MOK: variants seen among roughly 807,000 people sequenced by gnomAD.
The protein encoded by MOK is MOK protein kinase.
In MOK, 59 loss-of-function variants were observed where a neutral mutation model predicts 54.2. That is an observed-to-expected ratio of 1.09 (90% confidence interval 0.88 to 1.35). The LOEUF (loss-of-function observed/expected upper bound fraction) is 1.35, where lower values mean the gene tolerates loss of function less well. Among genes scored for constraint, MOK ranks in the 40% most tolerant of loss-of-function variants. MOK has a pLI of 0.00. For missense variants in MOK, 517 were observed against 526.2 expected (o/e 0.98, Z 0.17); for synonymous variants, 210 against 202.7 (o/e 1.04, Z -0.31).
At chr14:102,296,427 T>C (rs1297179462) in intron 1 of MOK, among the ~76,000 whole-genome samples, 3 of 152,126 alleles carry the variant, frequency 2.0e-5, no homozygotes, top group South Asian at 2.1e-4. Flanking sequence ...ATAAAACTTG[T>C]GTGTATATAC....
intron 1 of MOK, among the ~76,000 whole-genome samples, chr14:102,297,562 G>A (rs959778806): frequency 3.9e-5 from 6 of 152,346 alleles, no homozygotes; most frequent in Non-Finnish European, 7.4e-5. Context: ...CTCTGGCCAC[G>A]CTTGAGGAGC....
At chr14:102,222,077 T>C (rs1157184081), downstream of MOK, among the ~76,000 whole-genome samples, 2 of 152,026 alleles carry the variant, frequency 1.3e-5, no homozygotes, top group Non-Finnish European at 2.9e-5. The surrounding 1 kb of genome is among the most constrained non-coding windows in gnomAD (Gnocchi z 4.4). Flanking sequence ...AAAATCTGGG[T>C]GAGATTCCCC....
intron 1 of MOK, among the ~76,000 whole-genome samples, chr14:102,289,607 A>G (rs2070526944): frequency 6.6e-6 from 1 of 152,068 alleles, no homozygotes; most frequent in Non-Finnish European, 1.5e-5. Context: ...CTCGTGCCTC[A>G]GCCTCCCAAG....
downstream of MOK, chr14:102,226,321 G>A (rs768779900): frequency 1.1e-5 from 8 of 703,232 alleles, no homozygotes; most frequent in Non-Finnish European, 2.1e-5. The surrounding 1 kb of genome is among the most constrained non-coding windows in gnomAD (Gnocchi z 4.8). Flanking sequence ...CGGGCAGCAT[G>A]CAGGTGCTCA....
downstream of MOK, chr14:102,224,777 A>T (rs1181794787): frequency 2.2e-6 from 1 of 456,092 alleles, no homozygotes; most frequent in Admixed American, 2.3e-5. Context: ...CGGGGCCATG[A>T]ACTATGGAGT....
rs145772560 is a variant in MOK at position 102,280,181 on chromosome 14, G to A, written c.122+3297C>T. Among the ~76,000 whole-genome samples the A allele has an allele frequency of 1.7e-4, 26 of 152,040 alleles. No individual in the cohort carries two copies. In the Middle Eastern group the frequency reaches 0.01, roughly 60 times the overall value. On this transcript the variant is annotated intron_variant, in intron 2 of 11. Transcript: ENST00000361847. ...GCCAAATCCCTCGCATACCAAAAGT[G>A]CCTGGTCCAGCGGAATTTCGGCTTC... is the stretch of plus-strand genomic sequence containing the variant.
rs113357747 is a variant in MOK, at chr14:102,254,048, G to A, written c.284-2053C>T. On this transcript the variant is annotated intron_variant, in intron 4 of 11. Transcript: ENST00000361847. Reference sequence around the variant, plus strand: ...CGCCCAGGCTGGAATGCATTGGTACGATCTCCGCCCACTGCAACCTCCACC... The same window carrying A: ...CGCCCAGGCTGGAATGCATTGGTACAATCTCCGCCCACTGCAACCTCCACC... Among the ~76,000 whole-genome samples, 1,103 of 151,478 alleles carry A rather than the reference G, an allele frequency of 7.3e-3. 14 individuals carry two copies. The highest frequency in any genetic ancestry group is 0.026 in the African/African-American group (1,054 of 41,224).
At position 102,235,838 on chromosome 14, in the gene MOK, T is replaced by C. The variant is rs999583923; in HGVS notation, c.591-2049A>G. ...CCTCAGACCCCACAACGAGACCTCC[T>C]TAACTTGGCTTTCAAAGTCTTTAAT... On this transcript the variant is annotated intron_variant, in intron 7 of 11. Transcript: ENST00000361847. The surrounding 1 kb of genome is among the most constrained non-coding windows in gnomAD (Gnocchi z 4.4). Among the ~76,000 whole-genome samples the C allele has an allele frequency of 1.3e-5, 2 of 152,160 alleles. No individual in the cohort carries two copies. Among genetic ancestry groups the C allele is most frequent in the African/African-American group, 4.8e-5 (2 of 41,422 alleles).
At chr14:102,222,378 G>GCCACTGAACTCTAT (rs2063996142), downstream of MOK, among the ~76,000 whole-genome samples, 1 of 152,242 alleles carries the variant, frequency 6.6e-6, no homozygotes, top group South Asian at 2.1e-4. This position sits in a 1 kb window ranked among gnomAD's most constrained non-coding sequence, Gnocchi z 4.4. Flanking sequence ...TTTCAAAGGT[G>GCCACTGAACTCTAT]CCACTGAACT....
At chr14:102,281,150 C>T (rs1270553272) in intron 2 of MOK, among the ~76,000 whole-genome samples, 2 of 151,994 alleles carry the variant, frequency 1.3e-5, no homozygotes, top group Non-Finnish European at 2.9e-5. Flanking sequence ...ATGGTGAAAC[C>T]CCATCTCTAC....
At chr14:102,267,027 T>C (rs2067969562) in intron 2 of MOK, among the ~76,000 whole-genome samples, 1 of 152,242 alleles carries the variant, frequency 6.6e-6, no homozygotes, top group South Asian at 2.1e-4. Flanking sequence ...TAGCTATCAC[T>C]GCCCTCTAGA....
chr14:102,256,528 C>T (rs1232237259), intron 4 of MOK, among the ~76,000 whole-genome samples: 2 of 151,244 alleles, frequency 1.3e-5, no homozygotes, highest in African/African-American at 4.9e-5. Flanking sequence ...GAGCTGAGAT[C>T]GCCACTGCAC....
chr14:102,301,035 C>T (rs1292821762), intron 1 of MOK, among the ~76,000 whole-genome samples: 1 of 152,174 alleles, frequency 6.6e-6, no homozygotes, highest in Non-Finnish European at 1.5e-5. Context: ...GCAGAGGTTG[C>T]AGTGAGCCAA....
chr14:102,250,026 G>A (rs2066401247), intron 7 of MOK, among the ~76,000 whole-genome samples: 1 of 152,194 alleles, frequency 6.6e-6, no homozygotes, highest in Non-Finnish European at 1.5e-5. Flanking sequence ...CTCATGGGAA[G>A]GGACTCTTGG....
At chr14:102,226,427 C>T (rs150225901), downstream of MOK, 21 of 702,960 alleles carry the variant, frequency 3.0e-5, no homozygotes, top group Middle Eastern at 4.7e-4. The surrounding 1 kb of genome is among the most constrained non-coding windows in gnomAD (Gnocchi z 4.8). Context: ...ATAATTCAAG[C>T]GCTTCAATTG....
In MOK at chr14:102,235,402, C is replaced by T. The variant is rs2065131077; in HGVS notation, c.591-1613G>A. 6.6e-6 allele frequency: 1 copy of T among 152,236 alleles called. No individual in the cohort carries two copies. Among genetic ancestry groups the T allele is most frequent in the Non-Finnish European group, 1.5e-5 (1 of 68,048 alleles). 9.4% of individuals were successfully genotyped at this position (152,236 alleles called of 1,614,324 possible). On this transcript the variant is annotated intron_variant, in intron 7 of 11. Coordinates refer to ENST00000361847, the MANE Select transcript of MOK (RefSeq NM_014226.3). The surrounding 1 kb of genome is among the most constrained non-coding windows in gnomAD (Gnocchi z 4.4). ...CTATATTATTTTGTCTTCTACCCTC[C>T]TTCCGGAAGAAAAGGAAAGAGTGTG...
At chr14:102,272,770 A>G (rs1333601984) in intron 2 of MOK, among the ~76,000 whole-genome samples, 1 of 152,226 alleles carries the variant, frequency 6.6e-6, no homozygotes, top group African/African-American at 2.4e-5. Flanking sequence ...AATTTGATAA[A>G]AGACATATAC....
In MOK at chr14:102,236,120, C is replaced by A. The variant is rs535509355; in HGVS notation, c.591-2331G>T. 5.3e-5 allele frequency among the ~76,000 whole-genome samples: 8 copies of A among 152,356 alleles called. No homozygotes were observed. The highest frequency in any genetic ancestry group is 1.2e-4 in the Non-Finnish European group (8 of 68,030). ...ACTGGAAGTCCGACTGTCCTCTCAA[C>A]AGACAGACAAGCCTGCTCCTCAGAG... is the stretch of plus-strand genomic sequence containing the variant. On this transcript the variant is annotated intron_variant, in intron 7 of 11. Coordinates refer to ENST00000361847, the MANE Select transcript of MOK (RefSeq NM_014226.3). This position sits in a 1 kb window ranked among gnomAD's most constrained non-coding sequence, Gnocchi z 4.5.
At chr14:102,285,868 G>C (rs984645971) in intron 1 of MOK, among the ~76,000 whole-genome samples, 5 of 152,060 alleles carry the variant, frequency 3.3e-5, no homozygotes, top group Non-Finnish European at 7.4e-5. Flanking sequence ...CTCCAGCTTG[G>C]GGGACAAGAG....
Sources: allele counts gnomAD v4.1 joint callset (sites outside exome capture counted in the v4.1 genomes callset), GRCh38; gene constraint gnomAD v4.1.1; non-coding constraint Gnocchi (gnomAD v3.1); transcripts MANE v1.5; gene names NCBI Gene and HGNC (gene_info 2026-07-23, HGNC 2026-07-21).